LRRC7: variants seen among roughly 807,000 people sequenced by gnomAD.
LRRC7 encodes leucine-rich repeat-containing protein 7.
A neutral mutation model predicts 175.7 loss-of-function variants in LRRC7; 23 were observed. The observed-to-expected ratio is 0.13, with a 90% CI of 0.09 to 0.19. The LOEUF is 0.19. Among genes scored for constraint, LRRC7 ranks in the 10% least tolerant of loss-of-function variants. The pLI is 1.00. For synonymous variants in LRRC7, 685 were observed against 680.9 expected, an observed-to-expected ratio of 1.01 and a Z score of -0.09; for missense variants, 1,354 against 1,904.7, an observed-to-expected ratio of 0.71 and a Z score of 5.38.
intron 2 of LRRC7, among the ~76,000 whole-genome samples, chr1:69,703,240 G>A (rs937725135): frequency 6.6e-6 from 1 of 151,656 alleles, no homozygotes; most frequent in African/African-American, 2.4e-5. Flanking sequence ...TCTCTCCTGG[G>A]ATCATTTTCT....
chr1:69,712,014 A>G (rs2100736685), intron 2 of LRRC7, among the ~76,000 whole-genome samples: 1 of 152,288 alleles, frequency 6.6e-6, no homozygotes, highest in Admixed American at 6.5e-5. Context: ...CTGCATGAGG[A>G]GATTGTATTT....
chr1:70,032,243 GCAA>G (rs1658824121), intron 18 of LRRC7, among the ~76,000 whole-genome samples: 1 of 152,076 alleles, frequency 6.6e-6, no homozygotes, highest in Non-Finnish European at 1.5e-5. Context: ...CCTGTTAATT[GCAA>G]CAACACCCAT....
rs557837944 is a variant in LRRC7, at chr1:69,628,969, CA to C, written c.3-49408del. ...CTTACACCCTTCACAAAAAATAGCT[CA>C]AAATGGATTATAGACCTAAAGGTAA... On this transcript the variant is annotated intron_variant, in intron 1 of 26. Transcript: ENST00000651989. Among the ~76,000 whole-genome samples the C allele has an allele frequency of 3.4e-3, 524 of 152,144 alleles. 2 individuals are homozygous for C. The highest frequency in any genetic ancestry group is 5.8e-3 in the Non-Finnish European group (396 of 67,972).
intron 1 of LRRC7, among the ~76,000 whole-genome samples, chr1:69,577,008 T>C (rs1214366687): frequency 1.3e-5 from 2 of 152,210 alleles, no homozygotes; most frequent in African/African-American, 4.8e-5. Flanking sequence ...ATGGACGTTT[T>C]TTGTTTGTTT....
Position 69,887,902 on chromosome 1 carries a change from TG to T in LRRC7, c.648-43599del, listed in dbSNP as rs574425633. Among the ~76,000 whole-genome samples, 884 of 146,590 alleles carry T rather than the reference TG, an allele frequency of 6.0e-3. 11 individuals are homozygous for T. Among genetic ancestry groups the T allele is most frequent in the African/African-American group, 0.022 (829 of 37,880 alleles). On this transcript the variant is annotated intron_variant, in intron 7 of 26. Coordinates refer to ENST00000651989, the MANE Select transcript of LRRC7 (RefSeq NM_001370785.2). ...GTGTGAGGTGTCAGTGTGCCCCTGC[TG>T]GGGGGTGCCTCTCAGTTAGGCTGCT...
chr1:69,739,880 T>C (rs1668516302), intron 2 of LRRC7, among the ~76,000 whole-genome samples: 1 of 152,064 alleles, frequency 6.6e-6, no homozygotes, highest in Admixed American at 6.6e-5. Flanking sequence ...AACAAAGAAT[T>C]ATCATTAAGC....
intron 7 of LRRC7, among the ~76,000 whole-genome samples, chr1:69,891,270 T>C (rs1405406766): frequency 6.6e-6 from 1 of 152,200 alleles, no homozygotes; most frequent in Admixed American, 6.5e-5. Context: ...TTGATTGGCC[T>C]AATTTGTTGT....
rs1666860628 is a variant in LRRC7 at position 70,136,095 on chromosome 1, GT to G, written c.*14209del. Among the ~76,000 whole-genome samples, 1 of 119,878 alleles carries G rather than the reference GT, an allele frequency of 8.3e-6. No individual in the cohort carries two copies. Among genetic ancestry groups the G allele is most frequent in the Non-Finnish European group, 1.8e-5 (1 of 56,254 alleles). 78.6% of individuals were successfully genotyped at this position (119,878 alleles called of 152,430 possible). On this transcript the variant is annotated 3_prime_UTR_variant, in exon 27 of 27. Transcript: ENST00000651989. ...TGTGTCTGTGTGTGTGTGTGTGTGT[GT>G]GTCTATATATCTTATCAGGCAATTT...
chr1:69,796,180 C>T (rs1478357419), intron 4 of LRRC7, among the ~76,000 whole-genome samples: 1 of 132,580 alleles, frequency 7.5e-6, no homozygotes, highest in African/African-American at 2.9e-5. Context: ...CATGTGTTCT[C>T]ATTGTTCAAT....
rs890136597 is a variant in LRRC7, at chr1:70,076,388, G to T, written c.4452+90G>T. ...GGCCTTCCCTCATTAATGTGGTCCAGGACACAATGCCATCACCATGTTGAA... is the reference window on the plus strand; with the variant it reads ...GGCCTTCCCTCATTAATGTGGTCCATGACACAATGCCATCACCATGTTGAA... On this transcript the variant is annotated intron_variant, in intron 24 of 26. Coordinates refer to ENST00000651989, the MANE Select transcript of LRRC7 (RefSeq NM_001370785.2). 3 of 1,107,762 alleles carry T rather than the reference G, an allele frequency of 2.7e-6. No individual in the cohort carries two copies. In the African/African-American group the frequency reaches 4.7e-5, roughly 17 times the overall value. The allele number at this position is 1,107,762 out of a possible 1,614,324, so 68.6% of individuals were successfully genotyped here. A position where few individuals can be genotyped will look rare whatever the true frequency, so the allele number is the denominator to read the frequency against.
chr1:70,035,542 A>G (rs1467598710), intron 18 of LRRC7, among the ~76,000 whole-genome samples: 1 of 150,684 alleles, frequency 6.6e-6, no homozygotes, highest in African/African-American at 2.4e-5. Flanking sequence ...ATCACTTGGG[A>G]TACAGTAGAA....
intron 8 of LRRC7, among the ~76,000 whole-genome samples, chr1:69,969,673 A>G (rs1339746846): frequency 6.6e-6 from 1 of 152,174 alleles, no homozygotes; most frequent in Non-Finnish European, 1.5e-5. Flanking sequence ...CAGCAACACA[A>G]TAATAGTGGG....
chr1:69,886,879 C>A (rs10889854), intron 7 of LRRC7, among the ~76,000 whole-genome samples: 21,097 of 150,820 alleles, frequency 0.14, 2,171 homozygotes, highest in African/African-American at 0.29. Context: ...ACTTATGAAG[C>A]TTAGTTTGGC....
chr1:69,908,394 G>T (rs1182458429), intron 7 of LRRC7, among the ~76,000 whole-genome samples: 1 of 151,598 alleles, frequency 6.6e-6, no homozygotes, highest in Admixed American at 6.6e-5. Context: ...TCTCTTGTGG[G>T]CATTTAGTGC....
At chr1:69,777,626 GT>G (rs1672959086) in intron 3 of LRRC7, among the ~76,000 whole-genome samples, 1 of 152,104 alleles carries the variant, frequency 6.6e-6, no homozygotes, top group Non-Finnish European at 1.5e-5. Flanking sequence ...TGTATTACCT[GT>G]TTCAGTTGGT....
chr1:70,063,883 A>T (rs1008132457), intron 23 of LRRC7, among the ~76,000 whole-genome samples: 1 of 152,018 alleles, frequency 6.6e-6, no homozygotes, highest in African/African-American at 2.4e-5. Context: ...TTGACATTTA[A>T]TCATAGGAGA....
chr1:70,049,945 G>A (rs750343079), intron 22 of LRRC7, among the ~76,000 whole-genome samples: 1 of 151,916 alleles, frequency 6.6e-6, no homozygotes, highest in Non-Finnish European at 1.5e-5. Context: ...TAAGAGATAT[G>A]CCCTGAGACC....
chr1:69,603,179 C>T (rs937997548), intron 1 of LRRC7, among the ~76,000 whole-genome samples: 2 of 152,130 alleles, frequency 1.3e-5, no homozygotes, highest in African/African-American at 4.8e-5. Flanking sequence ...TCAGCACTCA[C>T]CATAAATCCA....
chr1:69,608,852 CTCTCTCTCTCTCTCTATATATATA>C (rs1337082409), intron 1 of LRRC7, among the ~76,000 whole-genome samples: 2,674 of 43,320 alleles, frequency 0.062, 18 homozygotes, highest in Admixed American at 0.085. Flanking sequence ...CTCTCTCTCT[CTCTCTCTCTCTCTCTATATATATA>C]TATATATATA....
Sources: allele counts gnomAD v4.1 joint callset (sites outside exome capture counted in the v4.1 genomes callset), GRCh38; gene constraint gnomAD v4.1.1; transcripts MANE v1.5; gene names NCBI Gene and HGNC (gene_info 2026-07-23, HGNC 2026-07-21).